CBLB: variants seen among roughly 807,000 people sequenced by gnomAD.
The protein encoded by CBLB is Cbl proto-oncogene B.
Under a neutral mutation model 104.9 loss-of-function variants are expected in CBLB, and 31 were observed. That is an observed-to-expected ratio of 0.30 (90% confidence interval 0.22 to 0.40). The LOEUF is 0.40. CBLB is among the 10% of genes least tolerant of loss of function. The pLI is 1.00. For missense variants in CBLB, 1,062 were observed against 1,214.6 expected (o/e 0.87, Z 1.87); for synonymous variants, 440 against 422.6 (o/e 1.04, Z -0.51).
intron 3 of CBLB, among the ~76,000 whole-genome samples, chr3:105,784,699 C>A (rs2080753287): frequency 6.6e-6 from 1 of 152,064 alleles, no homozygotes; most frequent in African/African-American, 2.4e-5. Flanking sequence ...CCAAGTTCTA[C>A]CCCAAACCCA....
intron 18 of CBLB, among the ~76,000 whole-genome samples, chr3:105,667,758 A>T (rs919003503): frequency 2.0e-5 from 3 of 152,244 alleles, no homozygotes; most frequent in African/African-American, 7.2e-5. Flanking sequence ...TTTCCATAGA[A>T]GCCTATTCAT....
chr3:105,789,114 G>C lies in CBLB; in HGVS notation c.420-12572C>G, dbSNP rs573548312. ...TGTTAAATCAAGCCACGAAATTTTGGGGTGGTTTGCTATACAGCAATAAAT... is the reference window on the plus strand; with the variant it reads ...TGTTAAATCAAGCCACGAAATTTTGCGGTGGTTTGCTATACAGCAATAAAT... On this transcript the variant is annotated intron_variant, in intron 3 of 18. Transcript: ENST00000394030. Among the ~76,000 whole-genome samples, 14 of 152,240 alleles carry C rather than the reference G, an allele frequency of 9.2e-5. No individual in the cohort carries two copies. In the East Asian group the frequency reaches 2.7e-3, roughly 29 times the overall value.
intron 10 of CBLB, among the ~76,000 whole-genome samples, chr3:105,715,226 G>C (rs1254560084): frequency 6.6e-6 from 1 of 152,054 alleles, no homozygotes; most frequent in African/African-American, 2.4e-5. Flanking sequence ...TTTGTCTGAG[G>C]GCTCACATCA....
intron 5 of CBLB, among the ~76,000 whole-genome samples, chr3:105,747,452 T>C (rs900644211): frequency 6.6e-6 from 1 of 152,134 alleles, no homozygotes; most frequent in Non-Finnish European, 1.5e-5. Flanking sequence ...TAACAAAGAA[T>C]GATTTAGTAA....
chr3:105,682,304 T>C (rs1265634331), intron 14 of CBLB, among the ~76,000 whole-genome samples: 1 of 152,202 alleles, frequency 6.6e-6, no homozygotes, highest in South Asian at 2.1e-4. Flanking sequence ...ATTATTGAAC[T>C]TTCAATAATT....
intron 3 of CBLB, among the ~76,000 whole-genome samples, chr3:105,848,602 T>C (rs374538749): frequency 6.6e-6 from 1 of 152,084 alleles, no homozygotes; most frequent in East Asian, 1.9e-4. Context: ...TCCGCATTTA[T>C]TGTTGACACA....
At chr3:105,864,488 G>A (rs1377541405) in intron 2 of CBLB, among the ~76,000 whole-genome samples, 1 of 152,170 alleles carries the variant, frequency 6.6e-6, no homozygotes, top group Admixed American at 6.5e-5. Context: ...AGCATCCACT[G>A]ATGTGAGGGC....
chr3:105,717,749 GCATATGTAGCTCTCT>G (rs2072121361), intron 10 of CBLB, among the ~76,000 whole-genome samples: 1 of 152,026 alleles, frequency 6.6e-6, no homozygotes, highest in South Asian at 2.1e-4. Flanking sequence ...CACCAGCTCC[GCATATGTAGCTCTCT>G]CACATGCATA....
chr3:105,838,083 CTT>C (rs11294272), intron 3 of CBLB, among the ~76,000 whole-genome samples: 135 of 116,332 alleles, frequency 1.2e-3, no homozygotes, highest in Middle Eastern at 4.2e-3. Context: ...TCCTTTTTTT[CTT>C]TTTTTTTTTT....
At chr3:105,721,990 C>T (rs1468425847) in intron 9 of CBLB, among the ~76,000 whole-genome samples, 1 of 151,666 alleles carries the variant, frequency 6.6e-6, no homozygotes, top group Non-Finnish European at 1.5e-5. Context: ...TAACAGCAAG[C>T]TGTGCCAGCC....
Position 105,720,086 on chromosome 3 carries a change from C to G in CBLB, c.1368G>C (p.Glu456Asp). ...MLDLDDDDDR[E>D]ESLMMNRLAN... ...CCAACCGATTCATCATCAAGGACTCCTCACGATCATCATCGTCGTCCAAGT... is the reference window on the plus strand; with the variant it reads ...CCAACCGATTCATCATCAAGGACTCGTCACGATCATCATCGTCGTCCAAGT... Residue 456 changes from glutamate to aspartate, a missense_variant, in exon 10 of 19, where the codon GAG becomes GAC. By Grantham distance (45) the Glu-to-Asp change is conservative (BLOSUM62 2). Transcript: ENST00000394030. The G allele has an allele frequency of 6.2e-7, 1 of 1,614,028 alleles. No homozygotes were observed. The highest frequency in any genetic ancestry group is 8.5e-7 in the Non-Finnish European group (1 of 1,179,958).
intron 12 of CBLB, among the ~76,000 whole-genome samples, chr3:105,695,791 G>T (rs188910395): frequency 6.6e-4 from 100 of 151,768 alleles, no homozygotes; most frequent in Non-Finnish European, 1.1e-3. Flanking sequence ...CTTACGTTTT[G>T]TCAAGGAGAA....
chr3:105,852,009 A>G (rs2091005044), intron 3 of CBLB, among the ~76,000 whole-genome samples: 1 of 152,234 alleles, frequency 6.6e-6, no homozygotes, highest in Non-Finnish European at 1.5e-5. Context: ...ACAATTATGC[A>G]TAACACATAC....
At chr3:105,700,796 A>G (rs1192974237) in intron 12 of CBLB, among the ~76,000 whole-genome samples, 4 of 152,100 alleles carry the variant, frequency 2.6e-5, no homozygotes, top group Non-Finnish European at 5.9e-5. Flanking sequence ...TTTCCTGGCT[A>G]CCCCATATCA....
intron 3 of CBLB, among the ~76,000 whole-genome samples, chr3:105,798,972 T>C (rs2082536351): frequency 1.3e-5 from 2 of 152,254 alleles, no homozygotes; most frequent in Middle Eastern, 3.4e-3. Context: ...AAGGGTCTTG[T>C]TTCTTTTAAA....
intron 13 of CBLB, 121 bp from the exon 14 acceptor site, chr3:105,685,587 G>GATGATACCCT: frequency 1.3e-6 from 1 of 785,838 alleles, no homozygotes; most frequent in Non-Finnish European, 2.2e-6. Context: ...TCAATTACAG[G>GATGATACCCT]GTATCATCAG....
intron 3 of CBLB, among the ~76,000 whole-genome samples, chr3:105,837,461 C>T (rs959043113): frequency 6.6e-6 from 1 of 152,182 alleles, no homozygotes; most frequent in African/African-American, 2.4e-5. Context: ...TGAAAACACT[C>T]ATTGGAGCTC....
intron 3 of CBLB, among the ~76,000 whole-genome samples, chr3:105,802,116 C>T (rs2082946759): frequency 6.6e-6 from 1 of 152,172 alleles, no homozygotes; most frequent in South Asian, 2.1e-4. Context: ...ATCTGAAATA[C>T]CCCAGGGAGA....
chr3:105,660,779 A>G (rs997948680), intron 18 of CBLB, among the ~76,000 whole-genome samples: 11 of 152,184 alleles, frequency 7.2e-5, no homozygotes, highest in Admixed American at 2.6e-4. Context: ...AAATAATAAA[A>G]GCTAATCTGA....
Sources: gnomAD v4.1 joint callset for allele counts (sites outside exome capture counted in the v4.1 genomes callset) on GRCh38, gnomAD v4.1.1 for gene constraint, MANE v1.5 for transcripts, NCBI Gene and HGNC (gene_info 2026-07-23, HGNC 2026-07-21) for gene names.